CDKAL1: variants seen among roughly 807,000 people sequenced by gnomAD.
CDKAL1 encodes the protein CDKAL1 threonylcarbamoyladenosine tRNA methylthiotransferase, also known as threonylcarbamoyladenosine tRNA methylthiotransferase.
Under a neutral mutation model 68.2 loss-of-function variants are expected in CDKAL1, and 32 were observed. That is an observed-to-expected ratio of 0.47 (90% CI 0.35 to 0.63). The LOEUF is 0.63. Among genes scored for constraint, CDKAL1 ranks in the 30% least tolerant of loss-of-function variants. The pLI is 0.00. For synonymous variants in CDKAL1, 234 were observed against 244.3 expected, an observed-to-expected ratio of 0.96 and a Z score of 0.39; for missense variants, 606 against 696.7, an observed-to-expected ratio of 0.87 and a Z score of 1.47.
At chr6:21,116,427 A>C (rs1371494688) in intron 13 of CDKAL1, among the ~76,000 whole-genome samples, 2 of 152,222 alleles carry the variant, frequency 1.3e-5, no homozygotes, top group Non-Finnish European at 2.9e-5. Flanking sequence ...AAAGCTTTAC[A>C]TATGCACATA....
chr6:21,015,884 G>T (rs1445019445), intron 11 of CDKAL1, among the ~76,000 whole-genome samples: 1 of 151,582 alleles, frequency 6.6e-6, no homozygotes, highest in Non-Finnish European at 1.5e-5. Context: ...GGAGCTGGAG[G>T]CTGCAGTGAG....
chr6:20,764,309 A>G (rs1048971817), intron 7 of CDKAL1, among the ~76,000 whole-genome samples: 1 of 152,146 alleles, frequency 6.6e-6, no homozygotes, highest in East Asian at 1.9e-4. Context: ...TGAGATCCCT[A>G]TTGTAATTAA....
chr6:20,882,697 A>G (rs1760882832), intron 9 of CDKAL1, among the ~76,000 whole-genome samples: 1 of 152,200 alleles, frequency 6.6e-6, no homozygotes, highest in African/African-American at 2.4e-5. Context: ...CACTTGAAGC[A>G]TCCTAGGTTG....
At chr6:21,082,268 G>C (rs1219001476) in intron 12 of CDKAL1, among the ~76,000 whole-genome samples, 1 of 148,358 alleles carries the variant, frequency 6.7e-6, no homozygotes, top group Non-Finnish European at 1.5e-5. Flanking sequence ...TAAGAAGTTA[G>C]AAGGGCAGGG....
intron 10 of CDKAL1, among the ~76,000 whole-genome samples, chr6:20,975,517 C>T (rs1227272738): frequency 2.6e-5 from 4 of 152,146 alleles, no homozygotes; most frequent in Non-Finnish European, 5.9e-5. Flanking sequence ...CATTCGATGT[C>T]TTTGCATACA....
At chr6:20,681,286 A>G (rs1481624553) in intron 5 of CDKAL1, among the ~76,000 whole-genome samples, 1 of 152,214 alleles carries the variant, frequency 6.6e-6, no homozygotes, top group African/African-American at 2.4e-5. Flanking sequence ...AGCAACAGTC[A>G]TATGTATGCT....
chr6:21,169,669 G>C (rs1254853149), intron 13 of CDKAL1, among the ~76,000 whole-genome samples: 1 of 152,054 alleles, frequency 6.6e-6, no homozygotes, highest in African/African-American at 2.4e-5. Flanking sequence ...TGATGAATGT[G>C]GTATATTAGT....
chr6:20,926,940 G>T (rs114919920), intron 9 of CDKAL1, among the ~76,000 whole-genome samples: 8,843 of 147,228 alleles, frequency 0.06, 417 homozygotes, highest in African/African-American at 0.12. Flanking sequence ...TATATATATA[G>T]AGAGAGAGAG....
intron 4 of CDKAL1, among the ~76,000 whole-genome samples, chr6:20,562,405 C>A (rs756782569): frequency 6.6e-5 from 10 of 151,920 alleles, no homozygotes; most frequent in Non-Finnish European, 1.3e-4. Context: ...GCATCCAGCC[C>A]TACTAAAGAT....
intron 9 of CDKAL1, among the ~76,000 whole-genome samples, chr6:20,851,446 T>A (rs1392427326): frequency 6.6e-6 from 1 of 152,126 alleles, no homozygotes; most frequent in African/African-American, 2.4e-5. Context: ...GCAGGGTGAG[T>A]GGTGTGGAAA....
At chr6:20,710,779 A>G (rs1367389286) in intron 5 of CDKAL1, among the ~76,000 whole-genome samples, 1 of 152,210 alleles carries the variant, frequency 6.6e-6, no homozygotes, top group African/African-American at 2.4e-5. Context: ...TTACTTGAAC[A>G]TGCAGTAATG....
chr6:21,144,126 T>C (rs1303212335), intron 13 of CDKAL1, among the ~76,000 whole-genome samples: 1 of 152,234 alleles, frequency 6.6e-6, no homozygotes, highest in Admixed American at 6.5e-5. Flanking sequence ...GTTACTTTCA[T>C]TTGTGTAGTA....
intron 7 of CDKAL1, among the ~76,000 whole-genome samples, chr6:20,769,719 G>A (rs982660967): frequency 6.6e-6 from 1 of 152,118 alleles, no homozygotes; most frequent in Non-Finnish European, 1.5e-5. Flanking sequence ...GTTTTGATAG[G>A]AGTACAGTTG....
At chr6:20,730,382 GA>G (rs1448965533) in intron 5 of CDKAL1, among the ~76,000 whole-genome samples, 2 of 137,690 alleles carry the variant, frequency 1.5e-5, no homozygotes, top group African/African-American at 2.7e-5. Flanking sequence ...AGCCCGACCC[GA>G]AAAAAAAGGA....
intron 11 of CDKAL1, among the ~76,000 whole-genome samples, chr6:21,004,645 A>G (rs1767626310): frequency 6.6e-6 from 1 of 152,196 alleles, no homozygotes; most frequent in African/African-American, 2.4e-5. Flanking sequence ...AGAACAAAGC[A>G]AGCGGTGCAA....
At chr6:20,704,480 T>TG in intron 5 of CDKAL1, among the ~76,000 whole-genome samples, 1 of 151,878 alleles carries the variant, frequency 6.6e-6, no homozygotes, top group East Asian at 1.9e-4. Flanking sequence ...AAAAAAACAC[T>TG]GGGGGAGGAA....
intron 9 of CDKAL1, among the ~76,000 whole-genome samples, chr6:20,860,596 G>A (rs1341018724): frequency 1.3e-5 from 2 of 151,994 alleles, no homozygotes; most frequent in African/African-American, 4.8e-5. Flanking sequence ...AGGCCAAGTG[G>A]GGGCAGATCA....
chr6:20,819,221 AT>A (rs34237934), intron 8 of CDKAL1, among the ~76,000 whole-genome samples: 43,079 of 150,258 alleles, frequency 0.29, 6,602 homozygotes, highest in East Asian at 0.53. Flanking sequence ...TATTTATAGT[AT>A]TTTTTTTTTG....
intron 13 of CDKAL1, among the ~76,000 whole-genome samples, chr6:21,154,714 G>A (rs1776561503): frequency 6.6e-6 from 1 of 152,138 alleles, no homozygotes; most frequent in South Asian, 2.1e-4. Context: ...AGTAGGCTGG[G>A]CACAGTGGCT....
Sources: gnomAD v4.1 joint callset for allele counts (sites outside exome capture counted in the v4.1 genomes callset) on GRCh38, gnomAD v4.1.1 for gene constraint, MANE v1.5 for transcripts, NCBI Gene and HGNC (gene_info 2026-07-23, HGNC 2026-07-21) for gene names.